Variants in SOX5 observed in about 807,000 individuals in gnomAD.
The protein encoded by SOX5 is SRY-box transcription factor 5, also known as transcription factor SOX-5.
Under a neutral mutation model 92.0 loss-of-function variants are expected in SOX5, and 9 were observed. The observed-to-expected ratio is 0.10, with a 90% CI of 0.06 to 0.17. SOX5 has a LOEUF of 0.17. SOX5 is among the 10% of genes least tolerant of loss of function. The pLI, the probability that SOX5 is intolerant of heterozygous loss-of-function variation, is 1.00. For synonymous variants in SOX5, 344 were observed against 336.3 expected (o/e 1.02, Z -0.25); for missense variants, 642 against 944.5 (o/e 0.68, Z 4.20).
intron 11 of SOX5, among the ~76,000 whole-genome samples, chr12:23,551,388 T>A (rs960622888): frequency 6.6e-6 from 1 of 151,882 alleles, no homozygotes; most frequent in Non-Finnish European, 1.5e-5. Context: ...TCTTGCTTAT[T>A]AATATCTCAA....
chr12:23,845,625 T>G (rs2096566525), intron 3 of SOX5, among the ~76,000 whole-genome samples: 2 of 142,072 alleles, frequency 1.4e-5, no homozygotes, highest in South Asian at 4.7e-4. Flanking sequence ...GTAGTGAAAT[T>G]CTACATTAAT....
At chr12:24,218,793 A>T (rs992853479) in intron 3 of SOX5, among the ~76,000 whole-genome samples, 1 of 152,112 alleles carries the variant, frequency 6.6e-6, no homozygotes, top group Non-Finnish European at 1.5e-5. Flanking sequence ...TTACTCCCTG[A>T]TACATAACAT....
intron 8 of SOX5, among the ~76,000 whole-genome samples, chr12:23,616,839 A>G (rs1306078164): frequency 6.6e-6 from 1 of 152,068 alleles, no homozygotes; most frequent in Non-Finnish European, 1.5e-5. Flanking sequence ...GAGGTTAGTG[A>G]CTGTCTGCTG....
intron 8 of SOX5, among the ~76,000 whole-genome samples, chr12:23,637,345 G>A (rs1023456053): frequency 2.0e-5 from 3 of 152,070 alleles, no homozygotes; most frequent in Admixed American, 6.6e-5. Context: ...AACAGAAAAC[G>A]AGTGAGAACA....
intron 2 of SOX5, among the ~76,000 whole-genome samples, chr12:24,360,569 T>C (rs1396850361): frequency 2.0e-5 from 3 of 152,350 alleles, no homozygotes; most frequent in East Asian, 3.9e-4. Context: ...GCTAATCTTA[T>C]TATTAGTTTA....
chr12:23,612,599 C>A (rs529256133), intron 8 of SOX5, among the ~76,000 whole-genome samples: 35 of 151,936 alleles, frequency 2.3e-4, no homozygotes, highest in African/African-American at 7.5e-4. Context: ...TGAAATGTGG[C>A]AAGAACAATT....
intron 3 of SOX5, among the ~76,000 whole-genome samples, chr12:23,809,927 A>C (rs1042055179): frequency 6.6e-6 from 1 of 152,120 alleles, no homozygotes; most frequent in African/African-American, 2.4e-5. Flanking sequence ...GCCTCTTATG[A>C]TTTAAAATGT....
intron 2 of SOX5, among the ~76,000 whole-genome samples, chr12:24,328,022 A>G (rs1458737208): frequency 6.6e-6 from 1 of 152,128 alleles, no homozygotes; most frequent in Non-Finnish European, 1.5e-5. Flanking sequence ...TGAGTGTCAG[A>G]ACTAGAACTC....
chr12:23,788,465 A>AT (rs952260863), intron 3 of SOX5, among the ~76,000 whole-genome samples: 192 of 150,852 alleles, frequency 1.3e-3, no homozygotes, highest in South Asian at 1.0e-3. Context: ...TTGTAATAGC[A>AT]TTTTTTTTTA....
chr12:24,525,288 G>C lies in SOX5; in HGVS notation c.-251+37041C>G, dbSNP rs972762940. On this transcript the variant is annotated intron_variant, in intron 1 of 4. Coordinates refer to the SOX5 transcript ENST00000446891. ...GGCTAAGTGAAATAAGCCAGTCACA[G>C]ACAAATACTGCATGAGTTCATGTAA... Among the ~76,000 whole-genome samples the C allele has an allele frequency of 2.6e-5, 4 of 152,272 alleles. No individual in the cohort carries two copies. The South Asian group carries it at 8.3e-4, about 32-fold the overall frequency.
chr12:23,907,064 A>C (rs1025937192), intron 1 of SOX5, among the ~76,000 whole-genome samples: 1 of 152,156 alleles, frequency 6.6e-6, no homozygotes, highest in African/African-American at 2.4e-5. Flanking sequence ...TATCAGAACA[A>C]TTGGTAGTGA....
At chr12:23,820,163 C>T (rs1484600550) in intron 3 of SOX5, among the ~76,000 whole-genome samples, 1 of 152,172 alleles carries the variant, frequency 6.6e-6, no homozygotes, top group Non-Finnish European at 1.5e-5. Context: ...TTTTGATTTG[C>T]ATTTCTCTAA....
chr12:24,387,466 TACC>T (rs1266406212), intron 1 of SOX5, among the ~76,000 whole-genome samples: 1 of 152,142 alleles, frequency 6.6e-6, no homozygotes. Flanking sequence ...AAAGATTGGA[TACC>T]CCTGCTGTAG....
intron 3 of SOX5, among the ~76,000 whole-genome samples, chr12:24,245,702 A>T (rs1464802503): frequency 5.9e-5 from 9 of 152,202 alleles, no homozygotes; most frequent in Non-Finnish European, 1.2e-4. Context: ...AAATTAGCTA[A>T]TTTTTAACAA....
chr12:24,239,430 T>G (rs1007027740), intron 3 of SOX5, among the ~76,000 whole-genome samples: 2 of 152,218 alleles, frequency 1.3e-5, no homozygotes, highest in African/African-American at 4.8e-5. Flanking sequence ...AACTGCATAT[T>G]CCGATATTTT....
At chr12:23,835,530 C>T (rs187996805) in intron 3 of SOX5, among the ~76,000 whole-genome samples, 3 of 151,810 alleles carry the variant, frequency 2.0e-5, no homozygotes, top group Admixed American at 2.0e-4. Flanking sequence ...TCTTAAGGTA[C>T]CCTCCAAGGC....
chr12:24,559,858 A>C (rs1204178924), intron 1 of SOX5, among the ~76,000 whole-genome samples: 1 of 152,184 alleles, frequency 6.6e-6, no homozygotes, highest in Non-Finnish European at 1.5e-5. Flanking sequence ...ACATGTATAG[A>C]ACTAACTTAA....
rs192162520 is a variant in SOX5 at position 24,095,329 on chromosome 12, T to C, written c.-2+118014A>G. Among the ~76,000 whole-genome samples the C allele has an allele frequency of 5.6e-3, 846 of 152,212 alleles. 22 individuals are homozygous for C. Among genetic ancestry groups the C allele is most frequent in the Admixed American group, 0.05 (765 of 15,290 alleles). ...TGTCTGTTTTCTTCCTTAACTCTAT[T>C]AATATTATGTGTGGCAAATAGTTGC... On this transcript the variant is annotated intron_variant, in intron 4 of 4. Coordinates refer to the SOX5 transcript ENST00000446891.
rs1956543735 is a variant in SOX5, at chr12:24,369,809, TAG to T, written c.-250-1172_-250-1171del. Reference sequence around the variant, plus strand: ...CTTCCTCTAATCTTGACACTAACAATAGAGTTAGTTAAACTTGCCCACTTTCC... The same window carrying T: ...CTTCCTCTAATCTTGACACTAACAATAGTTAGTTAAACTTGCCCACTTTCC... On this transcript the variant is annotated intron_variant, in intron 1 of 4. Transcript: ENST00000446891. Among the ~76,000 whole-genome samples, 3 of 152,330 alleles carry T rather than the reference TAG, an allele frequency of 2.0e-5. No individual in the cohort carries two copies. The South Asian group carries it at 6.2e-4, about 32-fold the overall frequency.
Sources: allele counts gnomAD v4.1 joint callset (sites outside exome capture counted in the v4.1 genomes callset), GRCh38; gene constraint gnomAD v4.1.1; transcripts MANE v1.5; gene names NCBI Gene and HGNC (gene_info 2026-07-23, HGNC 2026-07-21).